CPQ: variants seen among roughly 807,000 people sequenced by gnomAD.
The protein encoded by CPQ is carboxypeptidase Q.
A neutral mutation model predicts 45.7 loss-of-function variants in CPQ; 37 were observed. The ratio of observed to expected loss-of-function variants is 0.81; its 90% CI spans 0.62 to 1.07. CPQ has a LOEUF of 1.07. Among genes scored for constraint, CPQ ranks in the 50% least tolerant of loss-of-function variants. The pLI, the probability that CPQ is intolerant of heterozygous loss-of-function variation, is 0.00. For synonymous variants in CPQ, 186 were observed against 205.8 expected, an observed-to-expected ratio of 0.90 and a Z score of 0.82; for missense variants, 537 against 572.9, an observed-to-expected ratio of 0.94 and a Z score of 0.64.
At chr8:96,682,944 G>T (rs536786914) in intron 1 of CPQ, among the ~76,000 whole-genome samples, 3 of 151,930 alleles carry the variant, frequency 2.0e-5, no homozygotes, top group Non-Finnish European at 4.4e-5. Flanking sequence ...TACATTCAAG[G>T]TTATTATTGA....
At chr8:96,883,837 G>A (rs1004686886) in intron 4 of CPQ, among the ~76,000 whole-genome samples, 1 of 152,198 alleles carries the variant, frequency 6.6e-6, no homozygotes, top group African/African-American at 2.4e-5. Flanking sequence ...CCTGAGAGCA[G>A]GCACTCTGTT....
At chr8:96,678,265 A>G (rs1425264121) in intron 1 of CPQ, among the ~76,000 whole-genome samples, 2 of 152,076 alleles carry the variant, frequency 1.3e-5, no homozygotes, top group Non-Finnish European at 1.5e-5. Context: ...TTTGGGCAGT[A>G]TGGTCGTTTT....
chr8:96,852,788 G>C (rs1426694530), intron 3 of CPQ, among the ~76,000 whole-genome samples: 1 of 152,050 alleles, frequency 6.6e-6, no homozygotes. Context: ...CCCAGCTCAC[G>C]TTCCAGGCGG....
chr8:97,060,715 T>A (rs551413881), intron 6 of CPQ, among the ~76,000 whole-genome samples: 1 of 152,292 alleles, frequency 6.6e-6, no homozygotes, highest in African/African-American at 2.4e-5. Flanking sequence ...GATGAATATC[T>A]TGTTACATGT....
chr8:96,743,813 T>C (rs1354923452), intron 1 of CPQ, among the ~76,000 whole-genome samples: 1 of 152,228 alleles, frequency 6.6e-6, no homozygotes, highest in African/African-American at 2.4e-5. Flanking sequence ...GGGACCCACT[T>C]GCGGAGGCAG....
intron 5 of CPQ, among the ~76,000 whole-genome samples, chr8:97,000,052 G>T (rs1332202886): frequency 6.6e-6 from 1 of 151,332 alleles, no homozygotes; most frequent in Non-Finnish European, 1.5e-5. Context: ...TTTGAGAAGT[G>T]TCTGTTCATG....
chr8:97,120,740 G>C (rs560118711), intron 7 of CPQ, among the ~76,000 whole-genome samples: 1 of 152,252 alleles, frequency 6.6e-6, no homozygotes, highest in South Asian at 2.1e-4. Context: ...GGGAGAGACA[G>C]GACAAAAGAT....
intron 3 of CPQ, among the ~76,000 whole-genome samples, chr8:96,859,038 A>AT (rs1317361319): frequency 2.0e-5 from 3 of 152,050 alleles, no homozygotes; most frequent in Admixed American, 6.6e-5. Context: ...TATGCCTAAT[A>AT]TTTTTTTGTT....
intron 2 of CPQ, among the ~76,000 whole-genome samples, chr8:96,797,156 C>A (rs1484843388): frequency 6.6e-6 from 1 of 152,158 alleles, no homozygotes; most frequent in Non-Finnish European, 1.5e-5. Context: ...GTCTCTGAAA[C>A]AGCAGAAAAC....
chr8:96,652,079 A>G (rs1815582781), intron 1 of CPQ, among the ~76,000 whole-genome samples: 1 of 152,200 alleles, frequency 6.6e-6, no homozygotes, highest in African/African-American at 2.4e-5. Flanking sequence ...CAAAAAATTT[A>G]TTCCTCTTGT....
intron 7 of CPQ, among the ~76,000 whole-genome samples, chr8:97,114,714 G>A (rs1461265264): frequency 6.6e-6 from 1 of 152,198 alleles, no homozygotes; most frequent in Non-Finnish European, 1.5e-5. Context: ...CTGCAATAGA[G>A]ATGTTATTGC....
chr8:96,718,028 C>T (rs1486066829), intron 1 of CPQ, among the ~76,000 whole-genome samples: 3 of 152,190 alleles, frequency 2.0e-5, no homozygotes, highest in African/African-American at 7.2e-5. Flanking sequence ...CAAAACTTCC[C>T]CAGGCCATAA....
intron 6 of CPQ, among the ~76,000 whole-genome samples, chr8:97,045,269 G>A (rs574328038): frequency 2.4e-4 from 37 of 152,298 alleles, no homozygotes; most frequent in South Asian, 1.2e-3. Flanking sequence ...GTGAGACTCC[G>A]TGGGCATAGT....
chr8:97,049,250 T>C, intron 6 of CPQ, among the ~76,000 whole-genome samples: 1 of 152,230 alleles, frequency 6.6e-6, no homozygotes, highest in Admixed American at 6.5e-5. Context: ...TTTAAATTTA[T>C]GTGTATAATA....
chr8:96,694,653 A>T (rs1809347476), intron 1 of CPQ, among the ~76,000 whole-genome samples: 2 of 152,202 alleles, frequency 1.3e-5, no homozygotes, highest in African/African-American at 4.8e-5. Context: ...CAGAAGTTAA[A>T]CAATGTGCTC....
At chr8:96,991,512 C>T (rs1036856301) in intron 5 of CPQ, among the ~76,000 whole-genome samples, 14 of 151,286 alleles carry the variant, frequency 9.3e-5, no homozygotes, top group African/African-American at 3.2e-4. Flanking sequence ...GCCAAAATTG[C>T]ACCACTGCAC....
At chr8:97,045,176 C>G (rs953423986) in intron 6 of CPQ, among the ~76,000 whole-genome samples, 10 of 152,232 alleles carry the variant, frequency 6.6e-5, no homozygotes, top group African/African-American at 2.4e-4. Context: ...TTTACCTAAG[C>G]AAGCCTGGGC....
chr8:97,027,345 C>G (rs1809820953), intron 5 of CPQ, among the ~76,000 whole-genome samples: 1 of 152,084 alleles, frequency 6.6e-6, no homozygotes. Flanking sequence ...AGAATTTCCT[C>G]TCTGAGCATT....
intron 2 of CPQ, among the ~76,000 whole-genome samples, chr8:96,795,873 T>G (rs1192565370): frequency 1.3e-5 from 2 of 152,078 alleles, no homozygotes; most frequent in African/African-American, 2.4e-5. Flanking sequence ...AAACAATTAG[T>G]TTTGAAACTG....
Sources: gnomAD v4.1 joint callset for allele counts (sites outside exome capture counted in the v4.1 genomes callset) on GRCh38, gnomAD v4.1.1 for gene constraint, MANE v1.5 for transcripts, NCBI Gene and HGNC (gene_info 2026-07-23, HGNC 2026-07-21) for gene names.